CNTNAP5: variants seen among roughly 807,000 people sequenced by gnomAD.
The protein encoded by CNTNAP5 is contactin-associated protein-like 5.
In CNTNAP5, 72 loss-of-function variants were observed where a neutral mutation model predicts 150.2. That is an observed-to-expected ratio of 0.48 (90% CI 0.40 to 0.58). CNTNAP5 has a LOEUF of 0.58. CNTNAP5 is among the 20% of genes least tolerant of loss of function. The probability of loss-of-function intolerance (pLI) is 0.00; values close to 1 mark genes in which losing one functional copy is unlikely to be tolerated. For missense variants in CNTNAP5, 1,636 were observed against 1,626.2 expected (o/e 1.01, Z -0.10); for synonymous variants, 672 against 619.8 (o/e 1.08, Z -1.25).
chr2:124,180,576 T>C (rs953272931), intron 1 of CNTNAP5, among the ~76,000 whole-genome samples: 4 of 152,182 alleles, frequency 2.6e-5, no homozygotes, highest in Non-Finnish European at 5.9e-5. Flanking sequence ...AATAAAATGA[T>C]AAGTTTAGAA....
chr2:124,811,200 T>C (rs1573632837), intron 19 of CNTNAP5, among the ~76,000 whole-genome samples: 1 of 152,122 alleles, frequency 6.6e-6, no homozygotes, highest in East Asian at 1.9e-4. Flanking sequence ...TATTTACAAA[T>C]GTGGGTGGGC....
At chr2:124,761,710 T>G (rs1680959168) in intron 14 of CNTNAP5, among the ~76,000 whole-genome samples, 1 of 152,120 alleles carries the variant, frequency 6.6e-6, no homozygotes, top group Non-Finnish European at 1.5e-5. Context: ...TTGTGTCTGT[T>G]TCTGTTGCAT....
intron 3 of CNTNAP5, among the ~76,000 whole-genome samples, chr2:124,284,121 G>A (rs1688087255): frequency 6.6e-6 from 1 of 152,190 alleles, no homozygotes; most frequent in African/African-American, 2.4e-5. Flanking sequence ...TAAATGCCAT[G>A]CTGAGGGTGA....
At chr2:124,215,751 A>T (rs1686142063) in intron 1 of CNTNAP5, among the ~76,000 whole-genome samples, 1 of 149,376 alleles carries the variant, frequency 6.7e-6, no homozygotes, top group African/African-American at 2.4e-5. Flanking sequence ...AATTCAAATT[A>T]TCCTGAAAGT....
chr2:124,164,515 G>A (rs1264164422), intron 1 of CNTNAP5, among the ~76,000 whole-genome samples: 1 of 152,142 alleles, frequency 6.6e-6, no homozygotes, highest in East Asian at 1.9e-4. Context: ...TCTCTTTGAG[G>A]AAGTGACATT....
chr2:124,026,058 G>A (rs1680879290), intron 1 of CNTNAP5, among the ~76,000 whole-genome samples: 2 of 152,202 alleles, frequency 1.3e-5, no homozygotes. Flanking sequence ...AGGGCCCCTG[G>A]TTCAGACAGA....
chr2:124,561,285 G>A (rs1695885532), intron 10 of CNTNAP5, among the ~76,000 whole-genome samples: 1 of 152,164 alleles, frequency 6.6e-6, no homozygotes, highest in Non-Finnish European at 1.5e-5. Flanking sequence ...GGGACAGGGG[G>A]CATTCAAAAC....
intron 3 of CNTNAP5, among the ~76,000 whole-genome samples, chr2:124,255,372 A>C (rs1286197298): frequency 1.3e-5 from 2 of 151,468 alleles, no homozygotes; most frequent in Non-Finnish European, 2.9e-5. Context: ...AAAATACAAA[A>C]ATTTAGCCGG....
intron 7 of CNTNAP5, among the ~76,000 whole-genome samples, chr2:124,487,827 C>T (rs1037437336): frequency 2.0e-5 from 3 of 151,916 alleles, no homozygotes; most frequent in Non-Finnish European, 2.9e-5. Context: ...CCCACAAAAT[C>T]GAATGCTTAT....
intron 1 of CNTNAP5, among the ~76,000 whole-genome samples, chr2:124,155,751 C>T (rs1186685266): frequency 6.6e-6 from 1 of 152,122 alleles, no homozygotes; most frequent in Non-Finnish European, 1.5e-5. Context: ...TTTTTTCACC[C>T]ATCCGTTTTT....
At chr2:124,904,066 A>C (rs79481678) in intron 22 of CNTNAP5, among the ~76,000 whole-genome samples, 2 of 134,374 alleles carry the variant, frequency 1.5e-5, no homozygotes, top group Non-Finnish European at 3.1e-5. Flanking sequence ...AAAAAAAAAC[A>C]AAAAAAAAAA....
chr2:124,399,740 AAC>A (rs1255637022), intron 3 of CNTNAP5, among the ~76,000 whole-genome samples: 2 of 152,148 alleles, frequency 1.3e-5, no homozygotes, highest in East Asian at 3.9e-4. Context: ...TCAGGGATGA[AAC>A]ACAGACTTCA....
intron 5 of CNTNAP5, 148 bp downstream of exon 5, chr2:124,434,835 T>C (rs1167833026): frequency 5.9e-6 from 4 of 673,294 alleles, no homozygotes; most frequent in African/African-American, 5.4e-5. Context: ...GTTTAAGGCA[T>C]GTATAGCATT....
chr2:124,214,227 T>G (rs142630782), intron 1 of CNTNAP5, among the ~76,000 whole-genome samples: 1 of 152,262 alleles, frequency 6.6e-6, no homozygotes, highest in African/African-American at 2.4e-5. Flanking sequence ...GGGTTTAGGA[T>G]GATGTCCTCC....
intron 6 of CNTNAP5, among the ~76,000 whole-genome samples, chr2:124,454,372 A>G (rs1693064151): frequency 6.6e-6 from 1 of 152,182 alleles, no homozygotes; most frequent in South Asian, 2.1e-4. Context: ...ATATATATGC[A>G]CCTAACTCTG....
Position 124,259,455 on chromosome 2 carries a change from G to C in CNTNAP5, c.381+17062G>C, listed in dbSNP as rs574032891. ...CACACTGACTTCCACAATGGTTGAA[G>C]TAGTTTACAGTCCCACCAACAGTGT... On this transcript the variant is annotated intron_variant, in intron 3 of 23. Coordinates refer to ENST00000682447, the MANE Select transcript of CNTNAP5 (RefSeq NM_001367498.1). 2.8e-3 allele frequency among the ~76,000 whole-genome samples: 431 copies of C among 152,258 alleles called. 2 individuals are homozygous for C. In the Middle Eastern group the frequency reaches 0.034, roughly 12 times the overall value.
In CNTNAP5 at chr2:124,865,431, A is replaced by T; in HGVS notation, c.3343A>T (p.Ile1115Phe). The change falls in exon 20 of 24, where the codon ATT becomes TTT. Residue 1115 changes from isoleucine (I) to phenylalanine (F), a missense_variant. Transcript: ENST00000682447. The stretch of plus-strand genomic sequence containing the variant: ...TAACCGAGAGGGAAGAGAGCTTACC[A>T]TTCAGGTACCTTCCTTACTTTCTCC... ...KINREGRELTIQMDQQLRLSY... is the reference protein window; with the variant it reads ...KINREGRELTFQMDQQLRLSY... The T allele has an allele frequency of 6.4e-7, 1 of 1,551,458 alleles. No individual in the cohort carries two copies. The highest frequency in any genetic ancestry group is 8.7e-7 in the Non-Finnish European group (1 of 1,146,804).
chr2:124,166,513 C>T (rs372651260), intron 1 of CNTNAP5, among the ~76,000 whole-genome samples: 86 of 152,260 alleles, frequency 5.6e-4, no homozygotes, highest in African/African-American at 2.0e-3. Flanking sequence ...GATACTAAAA[C>T]CTTCTCTGGT....
At chr2:124,146,762 T>C (rs533147420) in intron 1 of CNTNAP5, among the ~76,000 whole-genome samples, 1 of 152,330 alleles carries the variant, frequency 6.6e-6, no homozygotes, top group South Asian at 2.1e-4. Context: ...TGTTTTAGTT[T>C]AAAAGTTTCA....
Sources: gnomAD v4.1 joint callset for allele counts (sites outside exome capture counted in the v4.1 genomes callset) on GRCh38, gnomAD v4.1.1 for gene constraint, MANE v1.5 for transcripts, NCBI Gene and HGNC (gene_info 2026-07-23, HGNC 2026-07-21) for gene names.